The following HCN1 variants were observed in gnomAD, a reference collection of about 807,000 sequenced individuals.
HCN1 encodes potassium/sodium hyperpolarization-activated cyclic nucleotide-gated channel 1.
Under a neutral mutation model 78.9 loss-of-function variants are expected in HCN1, and 13 were observed. That is an observed-to-expected ratio of 0.16 (90% CI 0.11 to 0.26). The LOEUF (loss-of-function observed/expected upper bound fraction) is 0.26. Ranked by LOEUF, HCN1 falls within the 10% of genes least tolerant of loss-of-function variation. The pLI is 1.00. For synonymous variants in HCN1, 552 were observed against 455.5 expected (o/e 1.21, Z -2.70); for missense variants, 810 against 1,154.3 (o/e 0.70, Z 4.32).
At chr5:45,468,238 A>C (rs1741319248) in intron 2 of HCN1, among the ~76,000 whole-genome samples, 1 of 152,124 alleles carries the variant, frequency 6.6e-6, no homozygotes, top group Non-Finnish European at 1.5e-5. Context: ...CATTAGAGAA[A>C]TATATGTCTC....
chr5:45,458,381 A>G (rs1008566934), intron 3 of HCN1, among the ~76,000 whole-genome samples: 6 of 152,158 alleles, frequency 3.9e-5, no homozygotes, highest in Non-Finnish European at 8.8e-5. Flanking sequence ...ATCAGAGCCT[A>G]AGGTCATAGC....
intron 4 of HCN1, among the ~76,000 whole-genome samples, chr5:45,394,457 A>G (rs1037042417): frequency 6.6e-6 from 1 of 152,190 alleles, no homozygotes; most frequent in African/African-American, 2.4e-5. Context: ...GCTGCACATT[A>G]CTCATCCACT....
At chr5:45,567,349 G>T (rs143880084) in intron 2 of HCN1, among the ~76,000 whole-genome samples, 32 of 152,122 alleles carry the variant, frequency 2.1e-4, no homozygotes, top group African/African-American at 7.0e-4. Context: ...AAGGAATGGG[G>T]TGACTGGTAG....
At chr5:45,391,442 G>A (rs541446051) in intron 4 of HCN1, among the ~76,000 whole-genome samples, 1 of 152,190 alleles carries the variant, frequency 6.6e-6, no homozygotes, top group African/African-American at 2.4e-5. Context: ...AAAACAGGAT[G>A]TAACTTTTTT....
At chr5:45,504,714 C>T (rs1742261618) in intron 2 of HCN1, among the ~76,000 whole-genome samples, 1 of 152,156 alleles carries the variant, frequency 6.6e-6, no homozygotes, top group Admixed American at 6.5e-5. Context: ...ACAGTCCCAC[C>T]AACAGTGTAA....
chr5:45,351,920 C>A (rs1371468678), intron 5 of HCN1, among the ~76,000 whole-genome samples: 1 of 152,184 alleles, frequency 6.6e-6, no homozygotes, highest in Non-Finnish European at 1.5e-5. Flanking sequence ...CACTTTTACA[C>A]TGTTGGCGGG....
intron 3 of HCN1, among the ~76,000 whole-genome samples, chr5:45,415,840 A>G (rs1174247514): frequency 2.0e-5 from 3 of 152,030 alleles, no homozygotes; most frequent in Non-Finnish European, 4.4e-5. Context: ...TGTATCCAAG[A>G]CATTTAGCAG....
At chr5:45,421,393 G>A (rs1323326815) in intron 3 of HCN1, among the ~76,000 whole-genome samples, 4 of 152,108 alleles carry the variant, frequency 2.6e-5, no homozygotes, top group Non-Finnish European at 5.9e-5. Context: ...AAAAAAACTA[G>A]AGATTGTATA....
chr5:45,424,405 C>T (rs1349316536), intron 3 of HCN1, among the ~76,000 whole-genome samples: 2 of 152,056 alleles, frequency 1.3e-5, no homozygotes, highest in African/African-American at 4.8e-5. Flanking sequence ...CTTTTAAAAA[C>T]ACACCATGAA....
At chr5:45,262,968 TCCTA>T (rs1354801261) in intron 7 of HCN1, among the ~76,000 whole-genome samples, 158 bp from the exon 8 acceptor site, 3 of 152,126 alleles carry the variant, frequency 2.0e-5, no homozygotes, top group African/African-American at 7.2e-5. Flanking sequence ...CCAATGTGGC[TCCTA>T]CCTTTCACAC....
chr5:45,652,490 C>A (rs1353919210), intron 1 of HCN1, among the ~76,000 whole-genome samples: 1 of 152,004 alleles, frequency 6.6e-6, no homozygotes, highest in African/African-American at 2.4e-5. Flanking sequence ...TATTCACTCT[C>A]TCCTTCAGCC....
At chr5:45,523,729 T>A (rs1270616633) in intron 2 of HCN1, among the ~76,000 whole-genome samples, 1 of 152,172 alleles carries the variant, frequency 6.6e-6, no homozygotes, top group East Asian at 1.9e-4. Flanking sequence ...CTTGTAAATT[T>A]CTTTGAGTTC....
At chr5:45,461,274 T>C (rs1167653550) in intron 3 of HCN1, among the ~76,000 whole-genome samples, 1 of 152,076 alleles carries the variant, frequency 6.6e-6, no homozygotes, top group Non-Finnish European at 1.5e-5. Flanking sequence ...TAAATCAAAT[T>C]TATACTTTAT....
intron 1 of HCN1, among the ~76,000 whole-genome samples, chr5:45,688,063 G>A (rs1580051172): frequency 6.6e-6 from 1 of 152,114 alleles, no homozygotes; most frequent in African/African-American, 2.4e-5. Context: ...GAAGGATTGT[G>A]GAAGTGGAAT....
chr5:45,616,994 C>A (rs1464913492), intron 2 of HCN1, among the ~76,000 whole-genome samples: 2 of 151,980 alleles, frequency 1.3e-5, no homozygotes, highest in African/African-American at 2.4e-5. Flanking sequence ...ATGTTGTTAT[C>A]ATTTATAATG....
In HCN1 at chr5:45,302,170, A is replaced by T. The variant is rs1409155354; in HGVS notation, c.1618+1429T>A. Among the ~76,000 whole-genome samples the T allele has an allele frequency of 2.6e-5, 4 of 152,160 alleles. No individual in the cohort carries two copies. The East Asian group carries it at 7.8e-4, about 30-fold the overall frequency. On this transcript the variant is annotated intron_variant, in intron 6 of 7. Transcript: ENST00000303230. ...TGTCCCCCCAACAAATTTCATCTCAAATTGTAATCACCATGTGTTAAGGGC... is the reference window on the plus strand; with the variant it reads ...TGTCCCCCCAACAAATTTCATCTCATATTGTAATCACCATGTGTTAAGGGC...
chr5:45,372,802 T>A (rs1204721738), intron 4 of HCN1, among the ~76,000 whole-genome samples: 2 of 141,432 alleles, frequency 1.4e-5, no homozygotes, highest in African/African-American at 2.6e-5. Flanking sequence ...TATTTACGTA[T>A]TCTATACACA....
chr5:45,691,868 C>T (rs1446915448), intron 1 of HCN1, among the ~76,000 whole-genome samples: 1 of 152,080 alleles, frequency 6.6e-6, no homozygotes, highest in African/African-American at 2.4e-5. Flanking sequence ...GATGGAAGAA[C>T]GGATGTGACG....
At chr5:45,464,166 A>T (rs1339586884) in intron 2 of HCN1, among the ~76,000 whole-genome samples, 6 of 152,136 alleles carry the variant, frequency 3.9e-5, no homozygotes, top group Non-Finnish European at 1.5e-5. Flanking sequence ...ATGCTAAGTT[A>T]TTCAATTCCT....
Sources: gnomAD v4.1 joint callset for allele counts (sites outside exome capture counted in the v4.1 genomes callset) on GRCh38, gnomAD v4.1.1 for gene constraint, MANE v1.5 for transcripts, NCBI Gene and HGNC (gene_info 2026-07-23, HGNC 2026-07-21) for gene names.